KCNG2: variants seen among roughly 807,000 people sequenced by gnomAD.
The protein encoded by KCNG2 is potassium voltage-gated channel modifier subfamily G member 2, also known as voltage-gated potassium channel regulatory subunit KCNG2.
Under a neutral mutation model 12.3 loss-of-function variants are expected in KCNG2, and 7 were observed. That is an observed-to-expected ratio of 0.57 (90% CI 0.32 to 1.07). KCNG2 has a LOEUF of 1.07. KCNG2 is among the 50% of genes least tolerant of loss of function. The pLI is 0.04. For synonymous variants in KCNG2, 414 were observed against 351.4 expected (o/e 1.18, Z -1.99); for missense variants, 703 against 726.0 (o/e 0.97, Z 0.36).
chr18:79,871,550 CTT>C (rs1979830882), intron 3 of KCNG2, among the ~76,000 whole-genome samples: 1 of 152,120 alleles, frequency 6.6e-6, no homozygotes, highest in African/African-American at 2.4e-5. Context: ...CAGATCCAAA[CTT>C]GAGAATCTCG....
chr18:79,857,428 C>T (rs1042891576), intron 2 of KCNG2, among the ~76,000 whole-genome samples: 2 of 151,898 alleles, frequency 1.3e-5, no homozygotes. Flanking sequence ...GGCAAGCTAA[C>T]TAATGCCATT....
intron 1 of KCNG2, among the ~76,000 whole-genome samples, chr18:79,837,251 G>T (rs891968030): frequency 4.6e-5 from 7 of 152,226 alleles, no homozygotes; most frequent in African/African-American, 1.4e-4. Context: ...TCACATCCAG[G>T]TCACACTGAT....
chr18:79,870,948 C>T (rs186647409), intron 3 of KCNG2, among the ~76,000 whole-genome samples: 81 of 152,232 alleles, frequency 5.3e-4, no homozygotes, highest in Non-Finnish European at 9.1e-4. Flanking sequence ...CAGGCGTCAG[C>T]TCACCCGGTC....
chr18:79,817,467 C>T (rs528097908), intron 1 of KCNG2, among the ~76,000 whole-genome samples: 53 of 152,248 alleles, frequency 3.5e-4, no homozygotes, highest in African/African-American at 1.1e-3. Context: ...ACCCGTTACA[C>T]CCATGGTTGT....
chr18:79,893,227 G>A (rs150232285), intron 3 of KCNG2, among the ~76,000 whole-genome samples: 2 of 151,288 alleles, frequency 1.3e-5, no homozygotes, highest in African/African-American at 2.4e-5. Context: ...CTAATGGTAC[G>A]ATTGATATAG....
At chr18:79,835,296 G>C (rs1446305855) in intron 1 of KCNG2, among the ~76,000 whole-genome samples, 1 of 152,172 alleles carries the variant, frequency 6.6e-6, no homozygotes, top group Non-Finnish European at 1.5e-5. Context: ...CTCATACCAA[G>C]AGCCAGAAAG....
chr18:79,834,109 G>C (rs55852342), intron 1 of KCNG2, among the ~76,000 whole-genome samples: 33,980 of 152,068 alleles, frequency 0.22, 4,152 homozygotes, highest in African/African-American at 0.32. Flanking sequence ...ACGTTAAAGC[G>C]TGTCGAGGTC....
intron 1 of KCNG2, among the ~76,000 whole-genome samples, chr18:79,850,836 A>T (rs745404092): frequency 2.6e-5 from 4 of 152,232 alleles, no homozygotes; most frequent in Non-Finnish European, 5.9e-5. Context: ...GCCCAGTAAG[A>T]ACTCAAACGC....
rs1383725310 is a variant in KCNG2 at position 79,882,836 on chromosome 18, CACCT to C, written c.625-16203_625-16200del. 2.1e-3 allele frequency among the ~76,000 whole-genome samples: 320 copies of C among 151,670 alleles called. 11 individuals carry two copies. Among genetic ancestry groups the C allele is most frequent in the African/African-American group, 6.4e-3 (267 of 41,420 alleles). Reference sequence around the variant, plus strand: ...GCGCGTGGAGCGCGGAGGCCGGGTACACCTGCGCGTGGAGCGCGGAGGCCGGGTA... The same window carrying C: ...GCGCGTGGAGCGCGGAGGCCGGGTACGCGCGTGGAGCGCGGAGGCCGGGTA... On this transcript the variant is annotated intron_variant, in intron 3 of 3. Coordinates refer to ENST00000316249, the MANE Select transcript of KCNG2 (RefSeq NM_012283.2).
chr18:79,856,832 C>G (rs998866540), intron 2 of KCNG2, among the ~76,000 whole-genome samples: 33 of 151,928 alleles, frequency 2.2e-4, no homozygotes, highest in Non-Finnish European at 7.4e-5. Flanking sequence ...TAGGAAGCTC[C>G]GTCTTGTGAG....
chr18:79,858,979 A>G (rs1303189097), intron 2 of KCNG2, among the ~76,000 whole-genome samples: 8 of 152,318 alleles, frequency 5.3e-5, no homozygotes, highest in Admixed American at 2.6e-4. Context: ...GACTCTTATC[A>G]GATACGGGAC....
At chr18:79,862,577 G>A (rs889125511) in intron 2 of KCNG2, among the ~76,000 whole-genome samples, 18 of 152,284 alleles carry the variant, frequency 1.2e-4, no homozygotes, top group South Asian at 2.1e-4. Context: ...CGGCATGTGC[G>A]CAGCCGAGGC....
intron 3 of KCNG2, among the ~76,000 whole-genome samples, chr18:79,898,580 G>C (rs1981063828): frequency 6.6e-6 from 1 of 152,210 alleles, no homozygotes; most frequent in Non-Finnish European, 1.5e-5. Context: ...GGGTGGAGGT[G>C]GGGGTGGGGG....
intron 3 of KCNG2, among the ~76,000 whole-genome samples, chr18:79,865,397 G>A (rs553386560): frequency 5.0e-5 from 7 of 139,194 alleles, no homozygotes; most frequent in African/African-American, 1.8e-4. Context: ...AGGTGTGGGT[G>A]CTGAGAGGTC....
intron 1 of KCNG2, among the ~76,000 whole-genome samples, chr18:79,810,113 G>T (rs1272726822): frequency 6.6e-6 from 1 of 152,242 alleles, no homozygotes; most frequent in Non-Finnish European, 1.5e-5. Flanking sequence ...TCAGCACCCA[G>T]CTGGGCTTCT....
intron 1 of KCNG2, among the ~76,000 whole-genome samples, chr18:79,831,956 G>A (rs1228473496): frequency 6.6e-6 from 1 of 152,198 alleles, no homozygotes; most frequent in Non-Finnish European, 1.5e-5. Context: ...CCACCTGGGA[G>A]TTGGAATGCA....
chr18:79,882,761 CGCGG>C (rs1980351051), intron 3 of KCNG2, among the ~76,000 whole-genome samples: 1 of 146,448 alleles, frequency 6.8e-6, no homozygotes, highest in Non-Finnish European at 1.6e-5. Context: ...TGCCGTGGAG[CGCGG>C]AGGCCGGGTA....
chr18:79,829,504 C>A (rs1032936316), intron 1 of KCNG2, among the ~76,000 whole-genome samples: 2 of 152,160 alleles, frequency 1.3e-5, no homozygotes, highest in African/African-American at 4.8e-5. Flanking sequence ...GGGTCTTTGC[C>A]TCACACCAGT....
In KCNG2 at chr18:79,876,743, C is replaced by T. The variant is rs367786375; in HGVS notation, c.624+12452C>T. Reference sequence around the variant, plus strand: ...CTTGCACCTGCAGACCGCCTGGTCTCGCTCTTGGGCACCAGCCGTGCCAGG... The same window carrying T: ...CTTGCACCTGCAGACCGCCTGGTCTTGCTCTTGGGCACCAGCCGTGCCAGG... On this transcript the variant is annotated intron_variant, in intron 3 of 3. Coordinates refer to ENST00000316249, the MANE Select transcript of KCNG2 (RefSeq NM_012283.2). Among the ~76,000 whole-genome samples the T allele has an allele frequency of 3.9e-5, 6 of 152,236 alleles. No homozygotes were observed. In the South Asian group the frequency reaches 1.0e-3, roughly 26 times the overall value.
Sources: allele counts gnomAD v4.1 joint callset (sites outside exome capture counted in the v4.1 genomes callset), GRCh38; gene constraint gnomAD v4.1.1; transcripts MANE v1.5; gene names NCBI Gene and HGNC (gene_info 2026-07-23, HGNC 2026-07-21).